The following RASL10B variants were observed in gnomAD, a reference collection of about 807,000 sequenced individuals.
RASL10B encodes the protein RAS like family 10 member B.
RASL10B carries 10 observed loss-of-function variants against 20.7 expected under a neutral mutation model. That is an observed-to-expected ratio of 0.48 (90% CI 0.30 to 0.82). The LOEUF is 0.82. Ranked by LOEUF, RASL10B falls within the 40% of genes least tolerant of loss-of-function variation. The pLI, the probability that RASL10B is intolerant of heterozygous loss-of-function variation, is 0.07. For synonymous variants in RASL10B, 110 were observed against 123.3 expected (o/e 0.89, Z 0.72); for missense variants, 231 against 295.4 (o/e 0.78, Z 1.60).
At position 35,741,472 on chromosome 17, in the gene RASL10B, T is replaced by A; in HGVS notation, c.*167T>A. ...AGAAGCAGAGCGCGAGAGGGAGCCC[T>A]CCGTAACTGCCCAGCCCTGCCCCTT... On this transcript the variant is annotated 3_prime_UTR_variant, in exon 4 of 4. Coordinates refer to ENST00000603017, the MANE Select transcript of RASL10B (RefSeq NM_033315.4). 9.4e-7 allele frequency: 1 copy of A among 1,064,196 alleles called. No homozygotes were observed. Among genetic ancestry groups the A allele is most frequent in the Non-Finnish European group, 1.3e-6 (1 of 795,216 alleles). 65.9% of individuals were successfully genotyped at this position (1,064,196 alleles called of 1,614,324 possible). A position where few individuals can be genotyped will look rare whatever the true frequency, so the allele number is the denominator to read the frequency against.
chr17:35,741,236 T>C lies in RASL10B; in HGVS notation c.543T>C (p.Arg181=), dbSNP rs782558323. 6.2e-7 allele frequency: 1 copy of C among 1,605,046 alleles called. No individual in the cohort carries two copies. The highest frequency in any genetic ancestry group is 8.5e-7 in the Non-Finnish European group (1 of 1,176,216). Residue 181 remains arginine (R), a synonymous_variant, in exon 4 of 4, where the codon CGT becomes CGC. Transcript: ENST00000603017. ...SELLKSVGCA[R]CKHVHAALRF... ...TGCTCAAGAGCGTCGGCTGCGCCCG[T>C]TGCAAGCACGTGCACGCTGCCCTGC...
In RASL10B at chr17:35,743,041, C is replaced by G. The variant is rs587728699; in HGVS notation, c.*1736C>G. 4 of 152,882 alleles carry G rather than the reference C, an allele frequency of 2.6e-5. No homozygotes were observed. The South Asian group carries it at 8.3e-4, about 32-fold the overall frequency. The allele number at this position is 152,882 out of a possible 1,614,324, so 9.5% of individuals were successfully genotyped here. ...TAGTGTTCCTGCATTCTAGTCCCTGCTGTGCTGCAGGACTTTGGGCAAGTG... is the reference window on the plus strand; with the variant it reads ...TAGTGTTCCTGCATTCTAGTCCCTGGTGTGCTGCAGGACTTTGGGCAAGTG... On this transcript the variant is annotated 3_prime_UTR_variant, in exon 4 of 4. Coordinates refer to ENST00000603017, the MANE Select transcript of RASL10B (RefSeq NM_033315.4).
rs1418383274 is a variant in RASL10B at position 35,741,474 on chromosome 17, C to T, written c.*169C>T. On this transcript the variant is annotated 3_prime_UTR_variant, in exon 4 of 4. Coordinates refer to ENST00000603017, the MANE Select transcript of RASL10B (RefSeq NM_033315.4). The stretch of plus-strand genomic sequence containing the variant: ...AAGCAGAGCGCGAGAGGGAGCCCTC[C>T]GTAACTGCCCAGCCCTGCCCCTTGC... The T allele has an allele frequency of 4.8e-6, 5 of 1,043,804 alleles. No individual in the cohort carries two copies. Among genetic ancestry groups the T allele is most frequent in the African/African-American group, 1.7e-5 (1 of 58,970 alleles). The allele number at this position is 1,043,804 out of a possible 1,614,324, so 64.7% of individuals were successfully genotyped here.
chr17:35,733,799 G>T (rs2085573683), intron 1 of RASL10B, among the ~76,000 whole-genome samples: 1 of 152,222 alleles, frequency 6.6e-6, no homozygotes, highest in African/African-American at 2.4e-5. Flanking sequence ...TTTTACCTAT[G>T]TGCAGAAGCA....
Position 35,735,390 on chromosome 17 carries a change from A to G in RASL10B, c.206A>G (p.Asn69Ser), listed in dbSNP as rs1555597060. ...DFPPISAFPVNTLQEWADTCC... is the reference protein window; with the variant it reads ...DFPPISAFPVSTLQEWADTCC... Reference sequence around the variant, plus strand: ...CCACCCATCAGCGCCTTCCCTGTCAATACGCTCCAGGTAGGAGGACCCTGG... The same window carrying G: ...CCACCCATCAGCGCCTTCCCTGTCAGTACGCTCCAGGTAGGAGGACCCTGG... Residue 69 changes from asparagine to serine, a missense_variant, in exon 2 of 4, where the codon AAT becomes AGT. Physicochemically the swap from Asn to Ser is conservative, Grantham distance 46. Coordinates refer to ENST00000603017, the MANE Select transcript of RASL10B (RefSeq NM_033315.4). The surrounding 1 kb of genome is among the most constrained non-coding windows in gnomAD (Gnocchi z 6.7). The G allele has an allele frequency of 6.2e-7, 1 of 1,614,086 alleles. No individual in the cohort carries two copies. The highest frequency in any genetic ancestry group is 2.2e-5 in the East Asian group (1 of 44,884).
chr17:35,732,065 G>A (rs1314094051), intron 1 of RASL10B, among the ~76,000 whole-genome samples, 187 bp downstream of exon 1: 1 of 151,988 alleles, frequency 6.6e-6, no homozygotes, highest in African/African-American at 2.4e-5. Context: ...TGGAGCTGGG[G>A]GTGGGGGTGC....
rs940993856 is a variant in RASL10B at position 35,742,507 on chromosome 17, C to T, written c.*1202C>T. The T allele has an allele frequency of 1.3e-5, 2 of 152,750 alleles. No individual in the cohort carries two copies. The highest frequency in any genetic ancestry group is 4.8e-5 in the African/African-American group (2 of 41,466). The allele number at this position is 152,750 out of a possible 1,614,324, so 9.5% of individuals were successfully genotyped here. A position where few individuals can be genotyped will look rare whatever the true frequency, so the allele number is the denominator to read the frequency against. On this transcript the variant is annotated 3_prime_UTR_variant, in exon 4 of 4. Transcript: ENST00000603017. ...TCCCAACACCAGTCAGCCCTATACC[C>T]TAACTCACTCCACCCCATTTTCTCC...
intron 1 of RASL10B, among the ~76,000 whole-genome samples, chr17:35,733,132 C>G (rs117988422): frequency 6.6e-6 from 1 of 152,176 alleles, no homozygotes; most frequent in Non-Finnish European, 1.5e-5. Context: ...GTTTTTTAAA[C>G]CTTCAATAAA....
intron 1 of RASL10B, 96 bp from the exon 2 acceptor site, chr17:35,734,942 T>C: frequency 1.8e-6 from 1 of 559,354 alleles, no homozygotes; most frequent in African/African-American, 1.9e-5. Flanking sequence ...GCATTCTAAG[T>C]GGCAGTAACA....
intron 2 of RASL10B, among the ~76,000 whole-genome samples, chr17:35,739,270 A>C (rs1455056374): frequency 6.6e-6 from 1 of 152,042 alleles, no homozygotes; most frequent in East Asian, 1.9e-4. Context: ...TGCCCCACTC[A>C]ATTCAGATGC....
intron 2 of RASL10B, chr17:35,736,982 G>T: frequency 6.6e-6 from 1 of 152,172 alleles, no homozygotes; most frequent in East Asian, 1.9e-4. Context: ...TCAAACTCCT[G>T]ACCTCAAGTG....
chr17:35,740,641 C>A, intron 3 of RASL10B, 108 bp downstream of exon 3: 1 of 1,314,704 alleles, frequency 7.6e-7, no homozygotes, highest in Non-Finnish European at 1.0e-6. Context: ...TATATGTGTT[C>A]TAAGATTTCC....
In RASL10B at chr17:35,740,463, G is replaced by A; in HGVS notation, c.271G>A (p.Val91Ile). ...CCGGAGTGTCCACGCCTACATCCTG[G>A]TCTACGACATCTGCTGCTTTGACAG... The part of the protein sequence containing the change: ...GLRSVHAYIL[V>I]YDICCFDSFE... The change falls in exon 3 of 4, where the codon GTC becomes ATC. Residue 91 changes from valine (V) to isoleucine (I), a missense_variant. Transcript: ENST00000603017. 1 of 1,614,074 alleles carries A rather than the reference G, an allele frequency of 6.2e-7. No individual in the cohort carries two copies. The highest frequency in any genetic ancestry group is 8.5e-7 in the Non-Finnish European group (1 of 1,180,004).
In RASL10B at chr17:35,742,841, G is replaced by T. The variant is rs2085638503; in HGVS notation, c.*1536G>T. The T allele has an allele frequency of 6.6e-6, 1 of 152,250 alleles. No individual in the cohort carries two copies. Among genetic ancestry groups the T allele is most frequent in the Admixed American group, 6.5e-5 (1 of 15,280 alleles). 9.4% of individuals were successfully genotyped at this position (152,250 alleles called of 1,614,324 possible). On this transcript the variant is annotated 3_prime_UTR_variant, in exon 4 of 4. Transcript: ENST00000603017. ...TGCAGCATATAGACCAGGAAATCAG[G>T]TAGCCCAGACTGGTGATGGAGCAGA... is the stretch of plus-strand genomic sequence containing the variant.
rs1473236352 is a variant in RASL10B at position 35,735,340 on chromosome 17, G to A, written c.156G>A (p.Val52=). Residue 52 remains valine, a synonymous_variant, in exon 2 of 4, where the codon GTG becomes GTA. Transcript: ENST00000603017. The surrounding 1 kb of genome is among the most constrained non-coding windows in gnomAD (Gnocchi z 6.7). ...CTGCTGTCGTCATGAACGGCCACGT[G>A]CACGACCTCCAGATCCTCGACTTTC... ...YLPAVVMNGH[V]HDLQILDFPP... 2 of 1,614,062 alleles carry A rather than the reference G, an allele frequency of 1.2e-6. No individual in the cohort carries two copies. The highest frequency in any genetic ancestry group is 2.7e-5 in the African/African-American group (2 of 74,940).
chr17:35,737,509 A>G (rs1568091197), intron 2 of RASL10B, among the ~76,000 whole-genome samples: 1 of 151,850 alleles, frequency 6.6e-6, no homozygotes, highest in Non-Finnish European at 1.5e-5. Flanking sequence ...CCTTGTAGAT[A>G]GGTCATTTTG....
chr17:35,734,292 G>C (rs1303891065), intron 1 of RASL10B, among the ~76,000 whole-genome samples: 1 of 152,190 alleles, frequency 6.6e-6, no homozygotes, highest in Admixed American at 6.5e-5. Flanking sequence ...CTGCGACATC[G>C]TAGAAAGGAG....
Position 35,735,340 on chromosome 17 carries a change from G to T in RASL10B, c.156G>T (p.Val52=). ...CTGCTGTCGTCATGAACGGCCACGTGCACGACCTCCAGATCCTCGACTTTC... is the reference window on the plus strand; with the variant it reads ...CTGCTGTCGTCATGAACGGCCACGTTCACGACCTCCAGATCCTCGACTTTC... ...YLPAVVMNGH[V]HDLQILDFPP... Residue 52 remains valine (V), a synonymous_variant, in exon 2 of 4, where the codon GTG becomes GTT. Coordinates refer to ENST00000603017, the MANE Select transcript of RASL10B (RefSeq NM_033315.4). This position sits in a 1 kb window ranked among gnomAD's most constrained non-coding sequence, Gnocchi z 6.7. 6.2e-7 allele frequency: 1 copy of T among 1,614,180 alleles called. No homozygotes were observed.
intron 2 of RASL10B, among the ~76,000 whole-genome samples, chr17:35,736,158 C>G (rs2085590415): frequency 6.6e-6 from 1 of 152,218 alleles, no homozygotes; most frequent in African/African-American, 2.4e-5. Context: ...CCACTGCCTG[C>G]TGGAACCAGG....
Sources: allele counts gnomAD v4.1 joint callset (sites outside exome capture counted in the v4.1 genomes callset), GRCh38; gene constraint gnomAD v4.1.1; non-coding constraint Gnocchi (gnomAD v3.1); transcripts MANE v1.5; gene names NCBI Gene and HGNC (gene_info 2026-07-23, HGNC 2026-07-21).